EPYC: variants seen among roughly 807,000 people sequenced by gnomAD.
EPYC encodes the protein epiphycan.
A neutral mutation model predicts 30.1 loss-of-function variants in EPYC; 28 were observed. The ratio of observed to expected loss-of-function variants is 0.93; its 90% CI spans 0.69 to 1.28. The LOEUF is 1.28. Ranked by LOEUF, EPYC falls within the 50% of genes most tolerant of loss-of-function variation. EPYC has a pLI of 0.00. For synonymous variants in EPYC, 144 were observed against 141.4 expected (o/e 1.02, Z -0.13); for missense variants, 382 against 383.5 (o/e 1.00, Z 0.03).
chr12:90,998,090 T>A (rs1211411540), intron 2 of EPYC, among the ~76,000 whole-genome samples: 1 of 152,082 alleles, frequency 6.6e-6, no homozygotes, highest in East Asian at 1.9e-4. Context: ...TCCTCATCTA[T>A]TCAATAGGAA....
intron 2 of EPYC, among the ~76,000 whole-genome samples, chr12:90,993,898 AC>A (rs1336426399): frequency 1.3e-5 from 2 of 152,160 alleles, no homozygotes; most frequent in African/African-American, 2.4e-5. Flanking sequence ...ATGAGTAAAT[AC>A]TTTATATCTC....
intron 5 of EPYC, among the ~76,000 whole-genome samples, chr12:90,970,750 A>G (rs574076975): frequency 1.5e-4 from 23 of 152,286 alleles, no homozygotes; most frequent in African/African-American, 5.5e-4. Context: ...CATAGCTACC[A>G]TTGATGGTAT....
At chr12:90,991,352 T>C (rs1337382725) in intron 2 of EPYC, among the ~76,000 whole-genome samples, 1 of 152,148 alleles carries the variant, frequency 6.6e-6, no homozygotes, top group Non-Finnish European at 1.5e-5. Context: ...AAATTATGCA[T>C]ATTAATGGAG....
chr12:90,967,632 C>T (rs1876931344), intron 6 of EPYC, among the ~76,000 whole-genome samples: 1 of 151,990 alleles, frequency 6.6e-6, no homozygotes, highest in Admixed American at 6.6e-5. Context: ...CAGTGTTGTC[C>T]AAGTTTTCTA....
chr12:90,987,404 A>T (rs1333417552), intron 2 of EPYC, among the ~76,000 whole-genome samples: 1 of 150,128 alleles, frequency 6.7e-6, no homozygotes, highest in Non-Finnish European at 1.5e-5. Context: ...GTAAGGGAGA[A>T]TACTCCTGAC....
At chr12:90,978,032 C>T in intron 3 of EPYC, 56 bp downstream of exon 3, 4 of 1,443,128 alleles carry the variant, frequency 2.8e-6, no homozygotes, top group Non-Finnish European at 3.7e-6. Context: ...TGAAGCTGTG[C>T]AGTTTTGAGG....
intron 2 of EPYC, among the ~76,000 whole-genome samples, chr12:90,992,960 G>C (rs1036428348): frequency 6.6e-6 from 1 of 151,858 alleles, no homozygotes; most frequent in Non-Finnish European, 1.5e-5. Flanking sequence ...CTTTTGGTGG[G>C]GCATTTCTCC....
At chr12:90,974,243 C>T (rs953664832) in intron 3 of EPYC, among the ~76,000 whole-genome samples, 3 of 136,494 alleles carry the variant, frequency 2.2e-5, no homozygotes, top group African/African-American at 7.7e-5. Context: ...AAATAATCAA[C>T]AACCTAAGCC....
chr12:90,984,808 A>T (rs917027641), intron 2 of EPYC, among the ~76,000 whole-genome samples: 1 of 151,020 alleles, frequency 6.6e-6, no homozygotes, highest in Non-Finnish European at 1.5e-5. Flanking sequence ...GACCACAAAA[A>T]CCCCCGGGCT....
intron 3 of EPYC, among the ~76,000 whole-genome samples, chr12:90,976,535 T>C (rs914299313): frequency 7.9e-5 from 12 of 152,100 alleles, no homozygotes; most frequent in African/African-American, 2.7e-4. Context: ...TGAATACATA[T>C]GTTTTGGTTC....
chr12:91,002,179 G>A (rs1380539942), intron 2 of EPYC, among the ~76,000 whole-genome samples: 3 of 81,816 alleles, frequency 3.7e-5, no homozygotes, highest in Non-Finnish European at 6.5e-5. Context: ...GATGGAGCAA[G>A]ACACTGTCTC....
chr12:90,983,943 G>A (rs1435511644), intron 2 of EPYC, among the ~76,000 whole-genome samples: 3 of 152,082 alleles, frequency 2.0e-5, no homozygotes, highest in East Asian at 1.9e-4. Context: ...CCTCAGACAA[G>A]CAGGCCTAAC....
chr12:90,986,856 A>G (rs9645774), intron 2 of EPYC, among the ~76,000 whole-genome samples: 91,919 of 152,078 alleles, frequency 0.6, 31,380 homozygotes, highest in Non-Finnish European at 0.76. Flanking sequence ...AGTTTTTTAT[A>G]TTGTATCTGT....
intron 2 of EPYC, among the ~76,000 whole-genome samples, chr12:90,997,867 G>A (rs533683820): frequency 2.6e-5 from 4 of 152,074 alleles, no homozygotes; most frequent in South Asian, 2.1e-4. Context: ...TTTGGGAGTC[G>A]TAGAGTACTT....
At chr12:90,992,429 G>A (rs1187769526) in intron 2 of EPYC, among the ~76,000 whole-genome samples, 2 of 152,170 alleles carry the variant, frequency 1.3e-5, no homozygotes, top group African/African-American at 4.8e-5. Context: ...CATAGCAGGA[G>A]GAAAGGGAGA....
At chr12:90,992,192 G>T (rs1877601252) in intron 2 of EPYC, among the ~76,000 whole-genome samples, 1 of 152,162 alleles carries the variant, frequency 6.6e-6, no homozygotes, top group South Asian at 2.1e-4. Context: ...TCACAATAGT[G>T]TTTGCATTCC....
At chr12:90,973,334 A>T (rs1877101164) in intron 3 of EPYC, among the ~76,000 whole-genome samples, 1 of 152,102 alleles carries the variant, frequency 6.6e-6, no homozygotes, top group Admixed American at 6.6e-5. Flanking sequence ...TCACTAAAAC[A>T]ACACTTGCTT....
At chr12:90,968,334 A>G (rs1475655622) in intron 6 of EPYC, among the ~76,000 whole-genome samples, 1 of 152,196 alleles carries the variant, frequency 6.6e-6, no homozygotes, top group Non-Finnish European at 1.5e-5. Flanking sequence ...GCCATCCTGT[A>G]TAGAAGATCA....
intron 6 of EPYC, among the ~76,000 whole-genome samples, chr12:90,966,651 T>C (rs765288950): frequency 6.6e-6 from 1 of 152,110 alleles, no homozygotes; most frequent in Non-Finnish European, 1.5e-5. Context: ...CTTCACAGAA[T>C]GGGTTAGGAA....
Sources: allele counts gnomAD v4.1 joint callset (sites outside exome capture counted in the v4.1 genomes callset), GRCh38; gene constraint gnomAD v4.1.1; transcripts MANE v1.5; gene names NCBI Gene and HGNC (gene_info 2026-07-23, HGNC 2026-07-21).